Variants in LRFN5 observed in about 807,000 individuals in gnomAD.
LRFN5 encodes leucine rich repeat and fibronectin type III domain containing 5, also known as leucine-rich repeat and fibronectin type-III domain-containing protein 5.
Under a neutral mutation model 45.6 loss-of-function variants are expected in LRFN5, and 24 were observed. The ratio of observed to expected loss-of-function variants is 0.53; its 90% confidence interval spans 0.38 to 0.74. LRFN5 has a LOEUF of 0.74. Among genes scored for constraint, LRFN5 ranks in the 30% least tolerant of loss-of-function variants. LRFN5 has a pLI of 0.00. For synonymous variants in LRFN5, 340 were observed against 313.8 expected (o/e 1.08, Z -0.88); for missense variants, 776 against 861.5 (o/e 0.90, Z 1.24).
rs151299403 is a variant in LRFN5 at position 41,828,132 on chromosome 14, A to G, written c.-20-58474A>G. ...TTTTTTCAGCTTTTTCTAGTCATAA[A>G]CTTTATGTCAGTAGAACAGACTGTA... On this transcript the variant is annotated intron_variant, in intron 2 of 5. Coordinates refer to ENST00000298119, the MANE Select transcript of LRFN5 (RefSeq NM_152447.5). 2.7e-3 allele frequency among the ~76,000 whole-genome samples: 418 copies of G among 152,116 alleles called. 3 individuals carry two copies. Among genetic ancestry groups the G allele is most frequent in the African/African-American group, 9.7e-3 (404 of 41,566 alleles).
rs192451362 is a variant in LRFN5, at chr14:41,861,668, G to C, written c.-20-24938G>C. ...AGTAGTGATCAGCAAACGTTTGTTGGGTGAATAGAAGGCTGCAATAGCTCT... is the reference window on the plus strand; with the variant it reads ...AGTAGTGATCAGCAAACGTTTGTTGCGTGAATAGAAGGCTGCAATAGCTCT... On this transcript the variant is annotated intron_variant, in intron 2 of 5. Transcript: ENST00000298119. Among the ~76,000 whole-genome samples the C allele has an allele frequency of 5.8e-3, 877 of 152,236 alleles. 11 individuals carry two copies. The highest frequency in any genetic ancestry group is 0.02 in the African/African-American group (839 of 41,550).
chr14:41,733,178 G>A (rs946053220), intron 1 of LRFN5, among the ~76,000 whole-genome samples: 3 of 152,002 alleles, frequency 2.0e-5, no homozygotes, highest in Non-Finnish European at 4.4e-5. Flanking sequence ...AATGGCTGAA[G>A]GCTTTCCAAA....
At chr14:41,681,215 A>C (rs1426666962) in intron 1 of LRFN5, among the ~76,000 whole-genome samples, 3 of 152,220 alleles carry the variant, frequency 2.0e-5, no homozygotes, top group African/African-American at 7.2e-5. Flanking sequence ...GGGATAAATA[A>C]GGAGAAATTC....
intron 2 of LRFN5, among the ~76,000 whole-genome samples, chr14:41,816,114 C>T (rs1887907654): frequency 6.6e-6 from 1 of 151,690 alleles, no homozygotes; most frequent in Non-Finnish European, 1.5e-5. Flanking sequence ...TTCTCTTTTC[C>T]CTTCCTCCGT....
intron 2 of LRFN5, among the ~76,000 whole-genome samples, chr14:41,856,675 A>ATTTTTTTTTTTTTTT (rs1555326982): frequency 0.014 from 263 of 18,324 alleles, 44 homozygotes; most frequent in South Asian, 0.045. Context: ...TATTATTATT[A>ATTTTTTTTTTTTTTT]TTTTTTTTTT....
intron 2 of LRFN5, among the ~76,000 whole-genome samples, chr14:41,877,400 A>G (rs1048960016): frequency 3.3e-5 from 5 of 152,172 alleles, no homozygotes; most frequent in Admixed American, 2.6e-4. Context: ...TTGCATATCT[A>G]CAAGTTAGAG....
chr14:41,781,349 T>G (rs1240384868), intron 2 of LRFN5, among the ~76,000 whole-genome samples: 1 of 151,832 alleles, frequency 6.6e-6, no homozygotes, highest in African/African-American at 2.4e-5. Flanking sequence ...TAGTGAAACC[T>G]CTTTTCTTCA....
intron 1 of LRFN5, among the ~76,000 whole-genome samples, chr14:41,669,628 C>G (rs1486831598): frequency 2.0e-5 from 3 of 151,616 alleles, no homozygotes; most frequent in Non-Finnish European, 2.9e-5. Context: ...CAATACATTC[C>G]ACATGTAGGA....
At chr14:41,893,112 T>TTCCTTTTAAAGTAAA in intron 4 of LRFN5, 1 of 984,930 alleles carries the variant, frequency 1.0e-6, no homozygotes, top group Non-Finnish European at 1.2e-6. Context: ...TTTGAATGTT[T>TTCCTTTTAAAGTAAA]TCCTTTTAAA....
At chr14:41,638,775 A>G (rs1056896997) in intron 1 of LRFN5, among the ~76,000 whole-genome samples, 2 of 152,110 alleles carry the variant, frequency 1.3e-5, no homozygotes, top group Non-Finnish European at 2.9e-5. Context: ...TAATGTATAA[A>G]CAGATTAATT....
At position 41,607,370 on chromosome 14, in the gene LRFN5, T is replaced by G. The variant is rs1027164217; in HGVS notation, c.-1389T>G. On this transcript the variant is annotated 5_prime_UTR_variant, in exon 1 of 6. Coordinates refer to ENST00000298119, the MANE Select transcript of LRFN5 (RefSeq NM_152447.5). ...GAAACCTAGACAGACACACACACAC[T>G]CAGAGGAGAGAGGAAGAATTGAAAG... Among the ~76,000 whole-genome samples, 1 of 151,934 alleles carries G rather than the reference T, an allele frequency of 6.6e-6. No homozygotes were observed. Among genetic ancestry groups the G allele is most frequent in the African/African-American group, 2.4e-5 (1 of 41,342 alleles).
chr14:41,690,668 A>G (rs181137077), intron 1 of LRFN5, among the ~76,000 whole-genome samples: 1 of 152,256 alleles, frequency 6.6e-6, no homozygotes, highest in African/African-American at 2.4e-5. Context: ...TCTATGAAAA[A>G]CCCACAGCTA....
intron 5 of LRFN5, among the ~76,000 whole-genome samples, chr14:41,903,124 A>G (rs546357503): frequency 2.0e-5 from 3 of 151,680 alleles, no homozygotes; most frequent in Non-Finnish European, 3.0e-5. Context: ...GCTAAAATCA[A>G]TTTCACTATT....
At chr14:41,785,963 C>T (rs540174259) in intron 2 of LRFN5, among the ~76,000 whole-genome samples, 14 of 152,250 alleles carry the variant, frequency 9.2e-5, no homozygotes, top group African/African-American at 3.4e-4. Flanking sequence ...GCCCACTGCT[C>T]GCCTCCTGCT....
At chr14:41,780,608 G>GT (rs765956953) in intron 2 of LRFN5, among the ~76,000 whole-genome samples, 11 of 151,928 alleles carry the variant, frequency 7.2e-5, no homozygotes, top group East Asian at 1.9e-4. Flanking sequence ...ATATAATTGA[G>GT]TTTTTTTGTA....
chr14:41,710,840 A>G (rs1460803476), intron 1 of LRFN5, among the ~76,000 whole-genome samples: 1 of 151,938 alleles, frequency 6.6e-6, no homozygotes, highest in African/African-American at 2.4e-5. Context: ...TCATTGTTCA[A>G]TTCCCACCTA....
At chr14:41,674,027 C>A (rs1291662063) in intron 1 of LRFN5, among the ~76,000 whole-genome samples, 5 of 143,750 alleles carry the variant, frequency 3.5e-5, no homozygotes, top group Non-Finnish European at 7.6e-5. Flanking sequence ...GGCTGCCGGG[C>A]AGAGAGGCTC....
intron 2 of LRFN5, among the ~76,000 whole-genome samples, chr14:41,772,007 A>G (rs1399499661): frequency 6.6e-6 from 1 of 152,224 alleles, no homozygotes; most frequent in Non-Finnish European, 1.5e-5. Context: ...GGCTGTAGGA[A>G]GTATGGCGTC....
intron 2 of LRFN5, among the ~76,000 whole-genome samples, chr14:41,804,029 A>G (rs1245110070): frequency 6.6e-6 from 1 of 151,932 alleles, no homozygotes; most frequent in African/African-American, 2.4e-5. Context: ...ACACCTGGCT[A>G]ATTTTTGTAT....
Sources: gnomAD v4.1 joint callset for allele counts (sites outside exome capture counted in the v4.1 genomes callset) on GRCh38, gnomAD v4.1.1 for gene constraint, MANE v1.5 for transcripts, NCBI Gene and HGNC (gene_info 2026-07-23, HGNC 2026-07-21) for gene names.